Variants in CEACAM5 observed in about 807,000 individuals in gnomAD.
The protein encoded by CEACAM5 is cell adhesion molecule CEACAM5.
CEACAM5 carries 52 observed loss-of-function variants against 63.0 expected under a neutral mutation model. The observed-to-expected ratio is 0.83, with a 90% CI of 0.66 to 1.04. CEACAM5 has a LOEUF of 1.04. CEACAM5 is among the 50% of genes least tolerant of loss of function. The pLI is 0.00. For synonymous variants in CEACAM5, 357 were observed against 351.3 expected (o/e 1.02, Z -0.18); for missense variants, 790 against 864.8 (o/e 0.91, Z 1.08).
chr19:41,726,108 G>C (rs528570350), intron 8 of CEACAM5, among the ~76,000 whole-genome samples: 2 of 152,266 alleles, frequency 1.3e-5, no homozygotes, highest in South Asian at 2.1e-4. Flanking sequence ...TGTAATATTC[G>C]ATTAAGCTTT....
At chr19:41,717,876 C>G (rs1044919504) in intron 5 of CEACAM5, 143 bp downstream of exon 5, 5 of 1,130,208 alleles carry the variant, frequency 4.4e-6, no homozygotes, top group Non-Finnish European at 6.4e-6. Flanking sequence ...CCAGCAAATC[C>G]ATGCAGGCCC....
chr19:41,708,789 C>T lies in CEACAM5; in HGVS notation c.58C>T (p.Leu20Phe). ...RWCIPWQRLL[L>F]TASLLTFWNP... ...GTGCATCCCCTGGCAGAGGCTCCTG[C>T]TCACAGGTGAAGGGAGGACAACCTG... The change falls in exon 1 of 10, where the codon CTC (leucine) becomes TTC (phenylalanine). Residue 20 changes from leucine to phenylalanine, a missense_variant. Coordinates refer to ENST00000221992, the MANE Select transcript of CEACAM5 (RefSeq NM_004363.6). 6.2e-7 allele frequency: 1 copy of T among 1,611,182 alleles called. No individual in the cohort carries two copies. The highest frequency in any genetic ancestry group is 8.5e-7 in the Non-Finnish European group (1 of 1,178,570).
chr19:41,712,506 G>A (rs1438479913), intron 2 of CEACAM5, among the ~76,000 whole-genome samples: 1 of 152,172 alleles, frequency 6.6e-6, no homozygotes, highest in Non-Finnish European at 1.5e-5. Flanking sequence ...CTAGGGGCAG[G>A]GAGCGCTTTC....
In CEACAM5 at chr19:41,718,340, A is replaced by G. The variant is rs373389663; in HGVS notation, c.1450A>G (p.Ser484Gly). ...LYTCQANNSA[S>G]GHSRTTVKTI... is the part of the protein sequence containing the mutation. ...TACCTGCCAGGCCAATAACTCAGCC[A>G]GTGGCCACAGCAGGACTACAGTCAA... The change falls in exon 6 of 10, where the codon AGT becomes GGT. Residue 484 changes from serine to glycine, a missense_variant. Ser to Gly is a moderately conservative substitution (Grantham distance 56). Transcript: ENST00000221992. The G allele has an allele frequency of 7.5e-4, 1,217 of 1,613,918 alleles. 18 individuals carry two copies. In the South Asian group the frequency reaches 0.013, roughly 17 times the overall value.
chr19:41,711,899 C>T (rs1236311821), intron 2 of CEACAM5, among the ~76,000 whole-genome samples: 3 of 151,686 alleles, frequency 2.0e-5, no homozygotes, highest in Non-Finnish European at 2.9e-5. Flanking sequence ...ATAGGGAAGG[C>T]ACAGAAATCA....
At chr19:41,714,036 G>A (rs2072478745) in intron 2 of CEACAM5, among the ~76,000 whole-genome samples, 1 of 152,076 alleles carries the variant, frequency 6.6e-6, no homozygotes, top group Non-Finnish European at 1.5e-5. Context: ...CCAATATGGT[G>A]AAACCCCATC....
intron 8 of CEACAM5, among the ~76,000 whole-genome samples, chr19:41,721,379 G>A (rs1414407126): frequency 6.6e-6 from 1 of 152,268 alleles, no homozygotes; most frequent in Non-Finnish European, 1.5e-5. Context: ...CTGACCTCGG[G>A]TCCAGCCTGG....
chr19:41,727,512 C>T (rs1351752617), intron 9 of CEACAM5, among the ~76,000 whole-genome samples, 160 bp downstream of exon 9: 1 of 152,162 alleles, frequency 6.6e-6, no homozygotes, highest in Non-Finnish European at 1.5e-5. Context: ...TCTCTTCTTC[C>T]CTGGTCTTCA....
intron 2 of CEACAM5, 32 bp downstream of exon 2, chr19:41,710,071 G>A (rs782151979): frequency 6.3e-7 from 1 of 1,578,318 alleles, no homozygotes; most frequent in South Asian, 1.2e-5. Flanking sequence ...TCTGGGTGTT[G>A]GGGGTCAGTT....
rs782403641 is a variant in CEACAM5 at position 41,715,348 on chromosome 19, C to T, written c.703+99C>T. The stretch of plus-strand genomic sequence containing the variant: ...CCCTCTCAGGTTCAAGTACACAGAC[C>T]CTCAACCCTGGACATCCAGACTGTC... On this transcript the variant is annotated intron_variant, in intron 3 of 9. Coordinates refer to ENST00000221992, the MANE Select transcript of CEACAM5 (RefSeq NM_004363.6). 1.4e-5 allele frequency: 21 copies of T among 1,523,854 alleles called. No homozygotes were observed. The Admixed American group carries it at 3.0e-4, about 22-fold the overall frequency. 94.4% of individuals were successfully genotyped at this position (1,523,854 alleles called of 1,614,324 possible).
chr19:41,715,979 G>A (rs1023368270), intron 4 of CEACAM5, 75 bp downstream of exon 4: 1 of 1,544,704 alleles, frequency 6.5e-7, no homozygotes, highest in Non-Finnish European at 8.8e-7. Context: ...GAGCCAGGAA[G>A]ACATTTTCTA....
At chr19:41,709,652 T>C (rs1555813536) in intron 1 of CEACAM5, 28 bp from the exon 2 acceptor site, 1 of 1,600,126 alleles carries the variant, frequency 6.2e-7, no homozygotes, top group South Asian at 1.1e-5. Flanking sequence ...GGTCCCAATA[T>C]TGACCGATGC....
Position 41,713,778 on chromosome 19 carries a change from A to G in CEACAM5, c.425-1193A>G, listed in dbSNP as rs1020101852. Among the ~76,000 whole-genome samples the G allele has an allele frequency of 2.6e-5, 4 of 152,336 alleles. No individual in the cohort carries two copies. In the South Asian group the frequency reaches 8.3e-4, roughly 32 times the overall value. ...TCTGTCTCATAACTGTCAAACACAC[A>G]TGGTCCTTGAGGGCCAGATTTCCAG... On this transcript the variant is annotated intron_variant, in intron 2 of 9. Coordinates refer to ENST00000221992, the MANE Select transcript of CEACAM5 (RefSeq NM_004363.6).
chr19:41,722,363 C>CA (rs35093497), intron 8 of CEACAM5, among the ~76,000 whole-genome samples: 39,017 of 87,202 alleles, frequency 0.45, 6,720 homozygotes, highest in Admixed American at 0.51. Context: ...GACTACATCA[C>CA]AAAAAAAAAA....
At chr19:41,716,818 C>G (rs947960754) in intron 4 of CEACAM5, among the ~76,000 whole-genome samples, 2 of 152,134 alleles carry the variant, frequency 1.3e-5, no homozygotes, top group African/African-American at 4.8e-5. Context: ...AAATATATTC[C>G]CCTTGTTCTG....
At chr19:41,714,708 C>A (rs921225599) in intron 2 of CEACAM5, among the ~76,000 whole-genome samples, 1 of 152,186 alleles carries the variant, frequency 6.6e-6, no homozygotes, top group Non-Finnish European at 1.5e-5. Flanking sequence ...GACCTCCCCC[C>A]CAGTCCTGTG....
At chr19:41,723,271 C>A (rs1419873051) in intron 8 of CEACAM5, among the ~76,000 whole-genome samples, 2 of 152,114 alleles carry the variant, frequency 1.3e-5, no homozygotes, top group Non-Finnish European at 2.9e-5. Context: ...TCCACAGTAG[C>A]TAATATTTCA....
chr19:41,715,424 A>G (rs1555814812), intron 3 of CEACAM5, 175 bp downstream of exon 3: 3 of 1,168,194 alleles, frequency 2.6e-6, no homozygotes, highest in Non-Finnish European at 3.8e-6. Context: ...TTGACCAAGA[A>G]TAGGAGGGGA....
chr19:41,719,906 A>G (rs782799889), intron 6 of CEACAM5, 24 bp from the exon 7 acceptor site: 95 of 1,613,516 alleles, frequency 5.9e-5, no homozygotes, highest in Non-Finnish European at 4.7e-5. Flanking sequence ...ACACAGGGCA[A>G]TCTTCTCTCT....
Sources: allele counts gnomAD v4.1 joint callset (sites outside exome capture counted in the v4.1 genomes callset), GRCh38; gene constraint gnomAD v4.1.1; transcripts MANE v1.5; gene names NCBI Gene and HGNC (gene_info 2026-07-23, HGNC 2026-07-21).